SPIRE1: variants seen among roughly 807,000 people sequenced by gnomAD.
The protein encoded by SPIRE1 is protein spire homolog 1.
A neutral mutation model predicts 94.1 loss-of-function variants in SPIRE1; 40 were observed. The ratio of observed to expected loss-of-function variants is 0.43; its 90% confidence interval spans 0.33 to 0.55. The LOEUF (loss-of-function observed/expected upper bound fraction) is 0.55. SPIRE1 is among the 20% of genes least tolerant of loss of function. The probability of loss-of-function intolerance (pLI) is 0.06; values close to 1 mark genes in which losing one functional copy is unlikely to be tolerated. For synonymous variants in SPIRE1, 376 were observed against 371.7 expected (o/e 1.01, Z -0.13); for missense variants, 838 against 975.2 (o/e 0.86, Z 1.87).
chr18:12,477,540 G>C (rs1390787587), intron 10 of SPIRE1, among the ~76,000 whole-genome samples: 1 of 152,156 alleles, frequency 6.6e-6, no homozygotes, highest in East Asian at 1.9e-4. Context: ...GTGATATAAA[G>C]TAAATTCAGC....
At position 12,556,752 on chromosome 18, in the gene SPIRE1, C is replaced by T. The variant is rs191576785; in HGVS notation, c.373-9848G>A. On this transcript the variant is annotated intron_variant, in intron 2 of 16. Coordinates refer to ENST00000409402, the MANE Select transcript of SPIRE1 (RefSeq NM_001128626.2). ...TCAGGAGTGAAGCTGCAGACCTTGG[C>T]GGTGAGTGTTACAGCTCATAAAGGT... is the stretch of plus-strand genomic sequence containing the variant. Among the ~76,000 whole-genome samples, 514 of 152,244 alleles carry T rather than the reference C, an allele frequency of 3.4e-3. 1 individual carries two copies. The highest frequency in any genetic ancestry group is 5.9e-3 in the Non-Finnish European group (403 of 68,014).
chr18:12,464,648 T>C (rs925991986), intron 11 of SPIRE1, among the ~76,000 whole-genome samples: 1 of 152,166 alleles, frequency 6.6e-6, no homozygotes, highest in South Asian at 2.1e-4. Flanking sequence ...CCCATGACTA[T>C]TGTTCGTAAA....
intron 1 of SPIRE1, among the ~76,000 whole-genome samples, chr18:12,637,523 T>G (rs1012011805): frequency 2.6e-5 from 4 of 152,124 alleles, no homozygotes; most frequent in African/African-American, 9.7e-5. Flanking sequence ...AGCACATGAG[T>G]AAATACACTG....
At chr18:12,461,414 ATG>A (rs5823218) in intron 12 of SPIRE1, among the ~76,000 whole-genome samples, 27,312 of 139,688 alleles carry the variant, frequency 0.2, 4,884 homozygotes, top group African/African-American at 0.38. Context: ...ATACACATGT[ATG>A]TGTGTGTGTG....
chr18:12,585,253 A>G (rs1271364803), intron 2 of SPIRE1, among the ~76,000 whole-genome samples: 1 of 152,254 alleles, frequency 6.6e-6, no homozygotes, highest in African/African-American at 2.4e-5. Context: ...ACAGAATATT[A>G]CAACACTTCA....
intron 2 of SPIRE1, among the ~76,000 whole-genome samples, chr18:12,597,511 A>G (rs894549888): frequency 6.6e-5 from 10 of 152,274 alleles, no homozygotes; most frequent in Middle Eastern, 3.4e-3. Flanking sequence ...TATTTGAACT[A>G]TATCTCTGGG....
chr18:12,458,821 A>C (rs2031652802), intron 12 of SPIRE1, among the ~76,000 whole-genome samples: 1 of 152,208 alleles, frequency 6.6e-6, no homozygotes, highest in Non-Finnish European at 1.5e-5. Flanking sequence ...TAAAACGGGA[A>C]AAAGGACAGA....
rs184497492 is a variant in SPIRE1, at chr18:12,509,921, C to T, written c.807+2533G>A. On this transcript the variant is annotated intron_variant, in intron 5 of 16. Coordinates refer to ENST00000409402, the MANE Select transcript of SPIRE1 (RefSeq NM_001128626.2). Reference sequence around the variant, plus strand: ...CCAACATGGTGAAACCCTGTCTCTACTAAAAATACAAAAATTAGCTGGGTG... The same window carrying T: ...CCAACATGGTGAAACCCTGTCTCTATTAAAAATACAAAAATTAGCTGGGTG... Among the ~76,000 whole-genome samples the T allele has an allele frequency of 2.4e-3, 367 of 152,000 alleles. 11 individuals are homozygous for T. The East Asian group carries it at 0.066, about 27-fold the overall frequency.
intron 2 of SPIRE1, among the ~76,000 whole-genome samples, chr18:12,547,886 G>A (rs1598457829): frequency 6.6e-6 from 1 of 152,122 alleles, no homozygotes; most frequent in Non-Finnish European, 1.5e-5. Flanking sequence ...AGCTGACATT[G>A]CGCCACTGCA....
At chr18:12,554,085 G>A (rs2144338484) in intron 2 of SPIRE1, among the ~76,000 whole-genome samples, 1 of 152,274 alleles carries the variant, frequency 6.6e-6, no homozygotes, top group South Asian at 2.1e-4. Context: ...TGGATCACGA[G>A]GTCAGGAGTT....
chr18:12,621,971 T>C (rs1400516653), intron 2 of SPIRE1, among the ~76,000 whole-genome samples: 2 of 152,228 alleles, frequency 1.3e-5, no homozygotes, highest in African/African-American at 2.4e-5. Context: ...ATCTGCTAAA[T>C]ACAGTAAAAT....
intron 2 of SPIRE1, among the ~76,000 whole-genome samples, chr18:12,576,189 TG>T (rs137934509): frequency 0.026 from 3,826 of 149,562 alleles, 166 homozygotes; most frequent in African/African-American, 0.089. Context: ...GGCGATATAG[TG>T]AGACTCGTCT....
At chr18:12,581,382 T>C (rs2036252185) in intron 2 of SPIRE1, among the ~76,000 whole-genome samples, 1 of 152,152 alleles carries the variant, frequency 6.6e-6, no homozygotes, top group South Asian at 2.1e-4. Context: ...TTTCACGCTA[T>C]ACAATGTATA....
intron 10 of SPIRE1, among the ~76,000 whole-genome samples, chr18:12,466,890 C>T (rs982173557): frequency 6.6e-6 from 1 of 152,110 alleles, no homozygotes; most frequent in African/African-American, 2.4e-5. Flanking sequence ...CTAAAACCTA[C>T]TGCTGAAATC....
chr18:12,469,968 TTCTCACTC>T (rs756587587), intron 10 of SPIRE1, among the ~76,000 whole-genome samples: 3 of 151,794 alleles, frequency 2.0e-5, no homozygotes, highest in Non-Finnish European at 4.4e-5. Flanking sequence ...TAGAGACAAG[TTCTCACTC>T]TGTTGCCCAG....
intron 4 of SPIRE1, among the ~76,000 whole-genome samples, chr18:12,519,071 C>T (rs1567905684): frequency 6.6e-6 from 1 of 152,108 alleles, no homozygotes; most frequent in Non-Finnish European, 1.5e-5. Context: ...ATATAACACG[C>T]TTCTCCTCCC....
chr18:12,637,641 A>G (rs2037971353), intron 1 of SPIRE1, among the ~76,000 whole-genome samples: 2 of 152,152 alleles, frequency 1.3e-5, no homozygotes, highest in East Asian at 3.9e-4. Flanking sequence ...ATATTACACA[A>G]CTTCAAAACA....
intron 10 of SPIRE1, among the ~76,000 whole-genome samples, chr18:12,467,116 C>T (rs2032140490): frequency 6.6e-6 from 1 of 152,036 alleles, no homozygotes; most frequent in Non-Finnish European, 1.5e-5. Flanking sequence ...CCTGTCTCTA[C>T]TAAAAATATA....
At chr18:12,451,677 C>T (rs946768364) in intron 16 of SPIRE1, among the ~76,000 whole-genome samples, 2 of 152,216 alleles carry the variant, frequency 1.3e-5, no homozygotes, top group East Asian at 1.9e-4. Context: ...CCCAGCCTCT[C>T]GGCCCTGCCA....
Sources: gnomAD v4.1 joint callset for allele counts (sites outside exome capture counted in the v4.1 genomes callset) on GRCh38, gnomAD v4.1.1 for gene constraint, MANE v1.5 for transcripts, NCBI Gene and HGNC (gene_info 2026-07-23, HGNC 2026-07-21) for gene names.